SETD2: variants seen among roughly 807,000 people sequenced by gnomAD.
SETD2 encodes the protein histone-lysine N-methyltransferase SETD2.
Under a neutral mutation model 242.1 loss-of-function variants are expected in SETD2, and 31 were observed. The ratio of observed to expected loss-of-function variants is 0.13; its 90% CI spans 0.10 to 0.17. SETD2 has a LOEUF of 0.17. Ranked by LOEUF, SETD2 falls within the 10% of genes least tolerant of loss-of-function variation. SETD2 has a pLI of 1.00. For synonymous variants in SETD2, 1,006 were observed against 1,066.5 expected (o/e 0.94, Z 1.11); for missense variants, 2,481 against 3,046.3 (o/e 0.81, Z 4.37).
At chr3:47,112,115 CTTTT>C (rs11319249) in intron 5 of SETD2, among the ~76,000 whole-genome samples, 3 of 128,674 alleles carry the variant, frequency 2.3e-5, no homozygotes, top group Admixed American at 7.6e-5. Context: ...ATTAAGAATA[CTTTT>C]TTTTTTTTTT....
intron 14 of SETD2, 152 bp downstream of exon 14, chr3:47,062,011 A>C: frequency 1.5e-6 from 1 of 652,226 alleles, no homozygotes; most frequent in Admixed American, 2.9e-5. Context: ...ATCTGTCTTA[A>C]GATTATCAGT....
At chr3:47,046,287 A>G (rs962471477) in intron 16 of SETD2, among the ~76,000 whole-genome samples, 200 bp downstream of exon 16, 4 of 150,978 alleles carry the variant, frequency 2.6e-5, no homozygotes, top group African/African-American at 9.7e-5. Context: ...CAGTGAGCCA[A>G]GATTGTGCCG....
intron 7 of SETD2, among the ~76,000 whole-genome samples, chr3:47,102,806 T>A (rs984856140): frequency 1.4e-5 from 2 of 147,436 alleles, no homozygotes; most frequent in African/African-American, 4.9e-5. Flanking sequence ...ACAATCCCTC[T>A]CAATGTTAGT....
intron 1 of SETD2, among the ~76,000 whole-genome samples, chr3:47,160,045 T>C (rs1697443841): frequency 6.6e-6 from 1 of 151,920 alleles, no homozygotes; most frequent in Non-Finnish European, 1.5e-5. Flanking sequence ...GCTCATTCCA[T>C]TCTAGCCATA....
Position 47,164,071 on chromosome 3 carries a change from T to TC in SETD2, c.-148dup. Reference sequence around the variant, plus strand: ...GGGGCGGCCCGCGTCGCTACCTCGCTCGTCGCTCCCTCCCTCCCTCGGACG... The same window carrying TC: ...GGGGCGGCCCGCGTCGCTACCTCGCTCCGTCGCTCCCTCCCTCCCTCGGACG... On this transcript the variant is annotated 5_prime_UTR_variant, in exon 1 of 21. Transcript: ENST00000409792. The surrounding 1 kb of genome is among the most constrained non-coding windows in gnomAD (Gnocchi z 5.4). 8.4e-7 allele frequency: 1 copy of TC among 1,194,866 alleles called. No individual in the cohort carries two copies. Among genetic ancestry groups the TC allele is most frequent in the Non-Finnish European group, 1.0e-6 (1 of 958,288 alleles). The allele number at this position is 1,194,866 out of a possible 1,614,324, so 74.0% of individuals were successfully genotyped here. A position where few individuals can be genotyped will look rare whatever the true frequency, so the allele number is the denominator to read the frequency against.
chr3:47,151,752 G>A (rs577279017), intron 1 of SETD2, among the ~76,000 whole-genome samples: 4 of 151,266 alleles, frequency 2.6e-5, no homozygotes, highest in East Asian at 3.9e-4. Context: ...ACTTGAACCC[G>A]GGAAGCGGAG....
At chr3:47,062,399 G>A (rs1040676437) in intron 13 of SETD2, 53 bp from the exon 14 acceptor site, 3 of 1,471,452 alleles carry the variant, frequency 2.0e-6, no homozygotes, top group South Asian at 1.3e-5. Context: ...TTTATTTGGT[G>A]GACTTTTCTC....
intron 1 of SETD2, among the ~76,000 whole-genome samples, chr3:47,163,262 G>C (rs1300211998): frequency 6.6e-6 from 1 of 152,218 alleles, no homozygotes; most frequent in African/African-American, 2.4e-5. Context: ...GGCCAGGATC[G>C]AGTTCCCAGG....
At chr3:47,034,479 TC>T (rs1347721888) in intron 18 of SETD2, among the ~76,000 whole-genome samples, 1 of 152,164 alleles carries the variant, frequency 6.6e-6, no homozygotes, top group Non-Finnish European at 1.5e-5. Flanking sequence ...GCCTCTAAAG[TC>T]CTTGTTTGTT....
At chr3:47,036,043 G>A (rs1373869259) in intron 18 of SETD2, among the ~76,000 whole-genome samples, 2 of 152,148 alleles carry the variant, frequency 1.3e-5, no homozygotes, top group Admixed American at 1.3e-4. Context: ...AAACACATGT[G>A]AAAAGAGGAA....
intron 1 of SETD2, among the ~76,000 whole-genome samples, chr3:47,147,444 G>T (rs756982775): frequency 6.7e-6 from 1 of 149,644 alleles, no homozygotes; most frequent in East Asian, 2.0e-4. Context: ...TGCCTCAGCC[G>T]CCCGACTAGC....
At chr3:47,160,814 C>T (rs1304565133) in intron 1 of SETD2, among the ~76,000 whole-genome samples, 1 of 152,206 alleles carries the variant, frequency 6.6e-6, no homozygotes, top group East Asian at 1.9e-4. Context: ...CTAACTGGAT[C>T]TACTTTGCCG....
chr3:47,043,339 T>C (rs2039371185), intron 16 of SETD2, among the ~76,000 whole-genome samples: 1 of 152,146 alleles, frequency 6.6e-6, no homozygotes, highest in African/African-American at 2.4e-5. Flanking sequence ...GGTGTCCTTA[T>C]TAAAAGAGAA....
intron 13 of SETD2, among the ~76,000 whole-genome samples, chr3:47,065,224 T>C (rs1335857758): frequency 1.3e-5 from 2 of 152,094 alleles, no homozygotes; most frequent in Non-Finnish European, 2.9e-5. Flanking sequence ...CAGCCCTAAG[T>C]AGAATGTGAG....
At chr3:47,156,243 T>TACAGAATAA (rs892096286) in intron 1 of SETD2, among the ~76,000 whole-genome samples, 3 of 152,222 alleles carry the variant, frequency 2.0e-5, no homozygotes, top group African/African-American at 7.2e-5. Context: ...AAATATCTAT[T>TACAGAATAA]ACAGAATAAA....
At position 47,155,751 on chromosome 3, in the gene SETD2, A is replaced by G. The variant is rs181744420; in HGVS notation, c.71+8103T>C. On this transcript the variant is annotated intron_variant, in intron 1 of 20. Coordinates refer to ENST00000409792, the MANE Select transcript of SETD2 (RefSeq NM_014159.7). Reference sequence around the variant, plus strand: ...AGCCTCAGAGGCAGAGGTTGCAGTGAGCCAAGATTGTGCCACTGCACTCCA... The same window carrying G: ...AGCCTCAGAGGCAGAGGTTGCAGTGGGCCAAGATTGTGCCACTGCACTCCA... Among the ~76,000 whole-genome samples, 872 of 152,324 alleles carry G rather than the reference A, an allele frequency of 5.7e-3. 7 individuals carry two copies. The highest frequency in any genetic ancestry group is 9.3e-3 in the Non-Finnish European group (630 of 68,034).
In SETD2 at chr3:47,016,888, T is replaced by G. The variant is rs1559633614; in HGVS notation, c.*205A>C. 3 of 561,918 alleles carry G rather than the reference T, an allele frequency of 5.3e-6. No homozygotes were observed. The Admixed American group carries it at 9.2e-5, about 17-fold the overall frequency. 34.8% of individuals were successfully genotyped at this position (561,918 alleles called of 1,614,324 possible). The stretch of plus-strand genomic sequence containing the variant: ...GCACCTCTGATGGCTTCTAACCACA[T>G]GCCAACAGCTCACAACTAGGTAATC... On this transcript the variant is annotated 3_prime_UTR_variant, in exon 21 of 21. Coordinates refer to ENST00000409792, the MANE Select transcript of SETD2 (RefSeq NM_014159.7).
At chr3:47,124,802 C>T (rs141294991) in intron 2 of SETD2, among the ~76,000 whole-genome samples, 2 of 152,240 alleles carry the variant, frequency 1.3e-5, no homozygotes, top group African/African-American at 2.4e-5. Flanking sequence ...CTTACTTTCT[C>T]GTACATAAAT....
intron 15 of SETD2, among the ~76,000 whole-genome samples, chr3:47,049,637 G>C (rs1173423507): frequency 6.8e-6 from 1 of 147,774 alleles, no homozygotes; most frequent in Non-Finnish European, 1.5e-5. Context: ...CTCCCAAAGT[G>C]CTGGGATTAC....
Sources: gnomAD v4.1 joint callset for allele counts (sites outside exome capture counted in the v4.1 genomes callset) on GRCh38, gnomAD v4.1.1 for gene constraint, Gnocchi (gnomAD v3.1) non-coding constraint, MANE v1.5 for transcripts, NCBI Gene and HGNC (gene_info 2026-07-23, HGNC 2026-07-21) for gene names.